The following TNNT3 variants were observed in gnomAD, a reference collection of about 807,000 sequenced individuals.
TNNT3 encodes the protein troponin T, fast skeletal muscle.
TNNT3 carries 36 observed loss-of-function variants against 54.2 expected under a neutral mutation model. The observed-to-expected ratio is 0.66, with a 90% confidence interval of 0.51 to 0.88. The LOEUF is 0.88. TNNT3 is among the 40% of genes least tolerant of loss of function. The pLI is 0.00. For missense variants in TNNT3, 291 were observed against 331.6 expected (o/e 0.88, Z 0.95); for synonymous variants, 120 against 109.7 (o/e 1.09, Z -0.59).
intron 8 of TNNT3, among the ~76,000 whole-genome samples, chr11:1,931,976 C>T (rs1471963562): frequency 6.6e-6 from 1 of 152,176 alleles, no homozygotes; most frequent in African/African-American, 2.4e-5. Flanking sequence ...GCCTCATTTC[C>T]CCTTCAGATT....
chr11:1,930,989 T>C (rs1314123649), intron 8 of TNNT3, among the ~76,000 whole-genome samples: 2 of 152,216 alleles, frequency 1.3e-5, no homozygotes, highest in Non-Finnish European at 2.9e-5. Flanking sequence ...TCTTCCTTTT[T>C]TCCATGCATA....
At chr11:1,932,422 G>A in intron 8 of TNNT3, 47 bp from the exon 9 acceptor site, 2 of 1,598,240 alleles carry the variant, frequency 1.3e-6, no homozygotes, top group Non-Finnish European at 1.7e-6. Context: ...ACCCTCTGGG[G>A]TGGGTCTCCG....
At chr11:1,923,642 G>T in intron 4 of TNNT3, 70 bp downstream of exon 4, 2 of 1,232,032 alleles carry the variant, frequency 1.6e-6, no homozygotes, top group Non-Finnish European at 2.4e-6. Flanking sequence ...CCCGTGTGGC[G>T]CTCACAGAAC....
Position 1,934,535 on chromosome 11 carries a change from G to T in TNNT3, c.481-11G>T, listed in dbSNP as rs754590021. The T allele has an allele frequency of 6.8e-6, 11 of 1,607,410 alleles. No individual in the cohort carries two copies. The highest frequency in any genetic ancestry group is 1.6e-4 in the Middle Eastern group (1 of 6,078). ...AGACCAGGCCCCTCTCTTTGGGCCTGTCCGCTGCAGGCTGACCAGAAGAGA... is the reference window on the plus strand; with the variant it reads ...AGACCAGGCCCCTCTCTTTGGGCCTTTCCGCTGCAGGCTGACCAGAAGAGA... On this transcript the variant is annotated splice_polypyrimidine_tract_variant and intron_variant, in intron 12 of 15. Transcript: ENST00000278317.
chr11:1,920,638 G>A (rs979655187), intron 1 of TNNT3, among the ~76,000 whole-genome samples: 4 of 152,146 alleles, frequency 2.6e-5, no homozygotes, highest in Admixed American at 2.0e-4. Flanking sequence ...AAGGGGCAGC[G>A]GCTTTTGCCT....
At chr11:1,922,729 G>T in intron 1 of TNNT3, 128 bp from the exon 2 acceptor site, 1 of 871,876 alleles carries the variant, frequency 1.1e-6, no homozygotes, top group East Asian at 2.6e-5. Flanking sequence ...GCCAGAGCTG[G>T]CCCCCAAACC....
chr11:1,935,670 G>T (rs1030143397), intron 14 of TNNT3: 1 of 175,274 alleles, frequency 5.7e-6, no homozygotes, highest in African/African-American at 2.4e-5. Flanking sequence ...CCACGTGCTC[G>T]GGGCAAATGC....
intron 9 of TNNT3, among the ~76,000 whole-genome samples, chr11:1,933,337 C>T (rs1043374459): frequency 6.6e-6 from 1 of 152,216 alleles, no homozygotes; most frequent in Non-Finnish European, 1.5e-5. Flanking sequence ...ATCAGCTCAT[C>T]TGTTCACATG....
At chr11:1,927,191 CAGGCTG>C (rs1018617200) in intron 6 of TNNT3, among the ~76,000 whole-genome samples, 2 of 152,192 alleles carry the variant, frequency 1.3e-5, no homozygotes, top group Admixed American at 1.3e-4. Flanking sequence ...AGCAGAAAAG[CAGGCTG>C]AGGCCCAAGG....
intron 3 of TNNT3, 39 bp downstream of exon 3, chr11:1,923,100 A>G: frequency 6.2e-7 from 1 of 1,613,542 alleles, no homozygotes; most frequent in Non-Finnish European, 8.5e-7. Flanking sequence ...TTCCTGCTCT[A>G]GAAGGAAGGC....
In TNNT3 at chr11:1,933,991, C is replaced by A. The variant is rs147447477; in HGVS notation, c.349C>A (p.Arg117Ser). The A allele has an allele frequency of 1.2e-6, 2 of 1,612,226 alleles. No individual in the cohort carries two copies. The highest frequency in any genetic ancestry group is 1.7e-6 in the Non-Finnish European group (2 of 1,179,858). The part of the protein sequence containing the change: ...QRIRAEKERE[R>S]QNRLAEEKAR... ...GATTCGTGCAGAGAAGGAGAGGGAGCGCCAGAACAGACTGGCGGTGAGGGC... is the reference window on the plus strand; with the variant it reads ...GATTCGTGCAGAGAAGGAGAGGGAGAGCCAGAACAGACTGGCGGTGAGGGC... Residue 117 changes from arginine (R) to serine (S), a missense_variant, in exon 11 of 16, where the codon CGC (arginine) becomes AGC (serine). By Grantham distance (110) the Arg-to-Ser change is moderately radical (BLOSUM62 -1). Transcript: ENST00000278317.
At chr11:1,924,184 A>C (rs1850858123) in intron 4 of TNNT3, among the ~76,000 whole-genome samples, 2 of 149,516 alleles carry the variant, frequency 1.3e-5, no homozygotes, top group South Asian at 4.3e-4. Flanking sequence ...CTCCATCTCC[A>C]TCTCTGTCTC....
chr11:1,933,892 C>A (rs376479302), intron 10 of TNNT3, 39 bp from the exon 11 acceptor site: 1 of 1,612,036 alleles, frequency 6.2e-7, no homozygotes, highest in South Asian at 1.1e-5. Context: ...TCGGAGGAGC[C>A]GGGGACAGGG....
At chr11:1,926,449 T>C (rs775290514) in intron 5 of TNNT3, 2 of 1,613,212 alleles carry the variant, frequency 1.2e-6, no homozygotes, top group Admixed American at 3.3e-5. Context: ...TCTTGTTCCG[T>C]GGCCTCCTTG....
intron 6 of TNNT3, among the ~76,000 whole-genome samples, chr11:1,928,827 C>T (rs1438483306): frequency 1.8e-5 from 1 of 55,640 alleles, no homozygotes; most frequent in Non-Finnish European, 4.2e-5. Flanking sequence ...GACCCAGTGC[C>T]CTTAGCCCCC....
chr11:1,932,986 C>T (rs1476952309), intron 9 of TNNT3, among the ~76,000 whole-genome samples: 1 of 151,020 alleles, frequency 6.6e-6, no homozygotes, highest in African/African-American at 2.4e-5. Flanking sequence ...TCACTCATCT[C>T]TCCACTCACC....
intron 14 of TNNT3, chr11:1,935,352 A>G (rs759818720): frequency 1.0e-5 from 3 of 296,104 alleles, no homozygotes; most frequent in Non-Finnish European, 2.0e-5. Flanking sequence ...ACAAACCCAG[A>G]CTCTGGCTTC....
intron 14 of TNNT3, chr11:1,936,082 G>A (rs1854925614): frequency 1.0e-6 from 1 of 969,068 alleles, no homozygotes. Flanking sequence ...ACTGGCTTTG[G>A]ATAGATGCGG....
At chr11:1,922,743 C>T in intron 1 of TNNT3, 114 bp from the exon 2 acceptor site, 1 of 1,037,910 alleles carries the variant, frequency 9.6e-7, no homozygotes, top group Non-Finnish European at 1.5e-6. Flanking sequence ...CCAAACCCTG[C>T]CCGCGGTCCC....
Sources: gnomAD v4.1 joint callset for allele counts (sites outside exome capture counted in the v4.1 genomes callset) on GRCh38, gnomAD v4.1.1 for gene constraint, MANE v1.5 for transcripts, NCBI Gene and HGNC (gene_info 2026-07-23, HGNC 2026-07-21) for gene names.